Variants in DLGAP4 observed in about 807,000 individuals in gnomAD.
DLGAP4 encodes DLG associated protein 4, also known as disks large-associated protein 4.
DLGAP4 carries 18 observed loss-of-function variants against 86.9 expected under a neutral mutation model. That is an observed-to-expected ratio of 0.21 (90% CI 0.14 to 0.31). DLGAP4 has a LOEUF of 0.31. DLGAP4 is among the 10% of genes least tolerant of loss of function. The probability of loss-of-function intolerance (pLI) is 1.00; values close to 1 mark genes in which losing one functional copy is unlikely to be tolerated. For missense variants in DLGAP4, 1,085 were observed against 1,362.6 expected (o/e 0.80, Z 3.21); for synonymous variants, 548 against 574.3 (o/e 0.95, Z 0.65).
chr20:36,317,301 CT>C (rs2065117243), intron 1 of DLGAP4, among the ~76,000 whole-genome samples: 1 of 9,954 alleles, frequency 1.0e-4, no homozygotes, highest in African/African-American at 2.0e-4. Context: ...TCTTATCTTT[CT>C]TTCTTCCTTC....
rs1413959688 is a variant in DLGAP4 at position 36,367,044 on chromosome 20, G to A, written c.-303-1G>A. On this transcript the variant is annotated splice_acceptor_variant, in intron 1 of 12. Transcript: ENST00000339266. LOFTEE classifies it low-confidence loss of function (5UTR_SPLICE). ...ATCACCATTCCTCCCCATTCCTGCA[G>A]GCACCCGTGCCTCCCCTCTGCCAGG... 4 of 152,292 alleles carry A rather than the reference G, an allele frequency of 2.6e-5. No homozygotes were observed. Among genetic ancestry groups the A allele is most frequent in the Non-Finnish European group, 4.4e-5 (3 of 68,130 alleles). The allele number at this position is 152,292 out of a possible 1,614,324, so 9.4% of individuals were successfully genotyped here.
At chr20:36,445,679 G>A (rs1028238848) in intron 6 of DLGAP4, among the ~76,000 whole-genome samples, 8 of 152,100 alleles carry the variant, frequency 5.3e-5, no homozygotes, top group Admixed American at 5.2e-4. Context: ...TACACAGCTG[G>A]GTGGGACACA....
chr20:36,472,134 C>T (rs2034694074), intron 7 of DLGAP4, among the ~76,000 whole-genome samples: 1 of 152,126 alleles, frequency 6.6e-6, no homozygotes, highest in Non-Finnish European at 1.5e-5. Context: ...CCTTTTTTAG[C>T]TCCAGTGGCA....
chr20:36,436,258 C>T lies in DLGAP4; in HGVS notation c.1149C>T (p.Gly383=). 1 of 1,605,794 alleles carries T rather than the reference C, an allele frequency of 6.2e-7. No individual in the cohort carries two copies. Among genetic ancestry groups the T allele is most frequent in the South Asian group, 1.1e-5 (1 of 90,898 alleles). Residue 383 remains glycine, a synonymous_variant, in exon 4 of 13, where the codon GGC becomes GGT. Coordinates refer to ENST00000339266, the MANE Select transcript of DLGAP4 (RefSeq NM_001365621.2). ...MGDEDSDESG[G]SPKPSPKTAA... is the part of the protein sequence containing the mutation. ...ACGAGGACAGCGACGAGTCCGGCGG[C>T]AGCCCCAAGCCCTCACCCAAGACCG... is the stretch of plus-strand genomic sequence containing the variant.
chr20:36,391,798 T>C (rs1174567748), intron 2 of DLGAP4, among the ~76,000 whole-genome samples: 1 of 152,078 alleles, frequency 6.6e-6, no homozygotes, highest in Non-Finnish European at 1.5e-5. Context: ...CTTCTGGGTG[T>C]TAATGCCGTC....
chr20:36,460,283 GA>G (rs1462001232), intron 7 of DLGAP4, among the ~76,000 whole-genome samples: 1 of 152,198 alleles, frequency 6.6e-6, no homozygotes, highest in Admixed American at 6.5e-5. Flanking sequence ...CTGAGCAACA[GA>G]GACCTTGTCG....
chr20:36,343,729 T>C (rs1355788047), intron 1 of DLGAP4, among the ~76,000 whole-genome samples: 1 of 152,194 alleles, frequency 6.6e-6, no homozygotes, highest in Non-Finnish European at 1.5e-5. Context: ...CTTGGGTGCA[T>C]GTCTGGGCCT....
At chr20:36,506,945 C>T (rs2036408181) in intron 10 of DLGAP4, among the ~76,000 whole-genome samples, 1 of 152,254 alleles carries the variant, frequency 6.6e-6, no homozygotes, top group Non-Finnish European at 1.5e-5. Flanking sequence ...TGGCGTATTT[C>T]ACTTTGCATA....
At chr20:36,424,738 GTTT>G (rs34145008) in intron 2 of DLGAP4, among the ~76,000 whole-genome samples, 2 of 139,302 alleles carry the variant, frequency 1.4e-5, no homozygotes, top group Non-Finnish European at 1.6e-5. Flanking sequence ...TGTTTTGTTT[GTTT>G]TTTTTTTTTT....
intron 10 of DLGAP4, among the ~76,000 whole-genome samples, chr20:36,511,854 G>A (rs1205737682): frequency 1.2e-4 from 17 of 144,006 alleles, no homozygotes; most frequent in South Asian, 4.4e-4. Flanking sequence ...CAGCCTGGGC[G>A]ACAGAGGGAG....
chr20:36,517,426 C>G (rs2037112675), intron 10 of DLGAP4, among the ~76,000 whole-genome samples: 1 of 152,008 alleles, frequency 6.6e-6, no homozygotes, highest in Non-Finnish European at 1.5e-5. Flanking sequence ...GCCACCACAC[C>G]CGGTTATTTT....
At chr20:36,391,140 G>A (rs1299250446) in intron 2 of DLGAP4, among the ~76,000 whole-genome samples, 1 of 152,074 alleles carries the variant, frequency 6.6e-6, no homozygotes, top group East Asian at 1.9e-4. Flanking sequence ...ATTGTGCCCT[G>A]AGGGTTCTAT....
At chr20:36,392,825 A>G (rs1569483366) in intron 2 of DLGAP4, among the ~76,000 whole-genome samples, 1 of 152,230 alleles carries the variant, frequency 6.6e-6, no homozygotes, top group Non-Finnish European at 1.5e-5. Context: ...ATAGACAATA[A>G]GTAAAATAAA....
At chr20:36,502,832 T>C (rs948287102) in intron 10 of DLGAP4, among the ~76,000 whole-genome samples, 1 of 151,850 alleles carries the variant, frequency 6.6e-6, no homozygotes, top group African/African-American at 2.4e-5. Flanking sequence ...CAAGTGATTC[T>C]CCTGCCTCAG....
At chr20:36,496,202 G>A (rs981097514) in intron 7 of DLGAP4, among the ~76,000 whole-genome samples, 1 of 151,976 alleles carries the variant, frequency 6.6e-6, no homozygotes, top group African/African-American at 2.4e-5. Context: ...AGGTGGAGAG[G>A]GGGCATCCAA....
chr20:36,471,128 T>C (rs1037659545), intron 7 of DLGAP4, among the ~76,000 whole-genome samples: 2 of 152,114 alleles, frequency 1.3e-5, no homozygotes, highest in Non-Finnish European at 2.9e-5. Flanking sequence ...TCAAATTTGT[T>C]TCCTCCATGA....
At chr20:36,371,588 T>G (rs2030938046) in intron 2 of DLGAP4, among the ~76,000 whole-genome samples, 1 of 152,232 alleles carries the variant, frequency 6.6e-6, no homozygotes, top group South Asian at 2.1e-4. Flanking sequence ...ACATCGTTGC[T>G]GTTAGCAGGA....
intron 7 of DLGAP4, among the ~76,000 whole-genome samples, chr20:36,471,042 T>C (rs761992068): frequency 2.0e-5 from 3 of 152,352 alleles, no homozygotes; most frequent in Admixed American, 6.5e-5. Context: ...AATTTTGTCA[T>C]GTATTTTTTA....
chr20:36,494,365 A>G lies in DLGAP4; in HGVS notation c.1649-2340A>G, dbSNP rs985925318. On this transcript the variant is annotated intron_variant, in intron 7 of 12. Coordinates refer to ENST00000339266, the MANE Select transcript of DLGAP4 (RefSeq NM_001365621.2). ...AGGGCTCCTGGCTTTTCTGGAATCC[A>G]CTAGAAGGCCTTGGTTTCATAGATG... Among the ~76,000 whole-genome samples, 3 of 152,296 alleles carry G rather than the reference A, an allele frequency of 2.0e-5. No homozygotes were observed. The East Asian group carries it at 5.8e-4, about 29-fold the overall frequency.
Sources: gnomAD v4.1 joint callset for allele counts (sites outside exome capture counted in the v4.1 genomes callset) on GRCh38, gnomAD v4.1.1 for gene constraint, MANE v1.5 for transcripts, NCBI Gene and HGNC (gene_info 2026-07-23, HGNC 2026-07-21) for gene names.